Variants in CSMD1 observed in about 807,000 individuals in gnomAD.
CSMD1 encodes CUB and Sushi multiple domains 1.
Under a neutral mutation model 417.5 loss-of-function variants are expected in CSMD1, and 213 were observed. The observed-to-expected ratio is 0.51, with a 90% CI of 0.46 to 0.57. CSMD1 has a LOEUF of 0.57. Ranked by LOEUF, CSMD1 falls within the 20% of genes least tolerant of loss-of-function variation. CSMD1 has a pLI of 0.00. For missense variants in CSMD1, 6,923 were observed against 4,529.7 expected (o/e 1.53, Z -15.17); for synonymous variants, 2,862 against 1,736.8 (o/e 1.65, Z -16.11).
chr8:3,346,453 A>T (rs965793077), intron 22 of CSMD1, among the ~76,000 whole-genome samples: 2 of 152,228 alleles, frequency 1.3e-5, no homozygotes, highest in Admixed American at 1.3e-4. Context: ...TAGATTAGTA[A>T]GAATGTGCTA....
intron 25 of CSMD1, among the ~76,000 whole-genome samples, chr8:3,287,087 TC>T (rs1803217493): frequency 1.3e-5 from 2 of 152,196 alleles, no homozygotes; most frequent in South Asian, 4.1e-4. Context: ...GGGAATGCTT[TC>T]CCCATTGCTT....
chr8:4,624,059 T>C (rs969910311), intron 2 of CSMD1, among the ~76,000 whole-genome samples: 1 of 152,134 alleles, frequency 6.6e-6, no homozygotes, highest in African/African-American at 2.4e-5. Context: ...AAAATGACTA[T>C]CTCTAGCTCT....
At chr8:4,925,371 T>C (rs1306761294) in intron 1 of CSMD1, among the ~76,000 whole-genome samples, 1 of 151,846 alleles carries the variant, frequency 6.6e-6, no homozygotes, top group Non-Finnish European at 1.5e-5. Context: ...ACCTGACATT[T>C]CTTTAGCAGT....
At chr8:3,778,018 CTCTGGCTG>C (rs1252502199) in intron 5 of CSMD1, among the ~76,000 whole-genome samples, 2 of 152,254 alleles carry the variant, frequency 1.3e-5, no homozygotes, top group Admixed American at 6.5e-5. Context: ...GCCTAAGAAA[CTCTGGCTG>C]TCTGGCTGTC....
At chr8:4,727,352 T>C (rs1359041376) in intron 1 of CSMD1, among the ~76,000 whole-genome samples, 1 of 152,174 alleles carries the variant, frequency 6.6e-6, no homozygotes, top group Non-Finnish European at 1.5e-5. Flanking sequence ...TGAAATAAAA[T>C]GTTCACAAAA....
chr8:3,398,496 T>C (rs1336394814), intron 16 of CSMD1, among the ~76,000 whole-genome samples: 4 of 152,142 alleles, frequency 2.6e-5, no homozygotes, highest in African/African-American at 9.7e-5. Context: ...ACCTTTCCTG[T>C]GTTGATGTTA....
chr8:4,312,720 A>G (rs967176021), intron 3 of CSMD1, among the ~76,000 whole-genome samples: 3 of 151,988 alleles, frequency 2.0e-5, no homozygotes, highest in East Asian at 1.9e-4. Context: ...CTACTAACGA[A>G]AAAATGAGCC....
Position 3,709,654 on chromosome 8 carries a change from T to C in CSMD1, c.932-1163A>G, listed in dbSNP as rs534568341. ...AGTAGAGGCAAGACTTCCTCCTGCC[T>C]GATGGGCTTTAAATTGCAGCAGCAT... On this transcript the variant is annotated intron_variant, in intron 6 of 69. Transcript: ENST00000635120. Among the ~76,000 whole-genome samples, 250 of 144,778 alleles carry C rather than the reference T, an allele frequency of 1.7e-3. 1 individual carries two copies. Among genetic ancestry groups the C allele is most frequent in the Non-Finnish European group, 3.0e-3 (199 of 66,770 alleles). 95.0% of individuals were successfully genotyped at this position (144,778 alleles called of 152,430 possible).
chr8:3,944,882 G>A (rs756754511), intron 5 of CSMD1, among the ~76,000 whole-genome samples: 2 of 152,140 alleles, frequency 1.3e-5, no homozygotes, highest in African/African-American at 4.8e-5. Context: ...TCTGGGTTGT[G>A]TTTTCTAATT....
At chr8:4,698,838 C>A (rs1174044624) in intron 1 of CSMD1, among the ~76,000 whole-genome samples, 1 of 151,480 alleles carries the variant, frequency 6.6e-6, no homozygotes, top group East Asian at 2.0e-4. Context: ...CAGGAAAATC[C>A]TAACCAATAG....
At chr8:3,413,210 T>G (rs1257777248) in intron 12 of CSMD1, among the ~76,000 whole-genome samples, 1 of 152,256 alleles carries the variant, frequency 6.6e-6, no homozygotes, top group African/African-American at 2.4e-5. Flanking sequence ...TCTGCCTCTG[T>G]GATACTAAAG....
chr8:3,385,170 T>G (rs1164361206), intron 18 of CSMD1, among the ~76,000 whole-genome samples: 7 of 137,228 alleles, frequency 5.1e-5, no homozygotes, highest in Admixed American at 4.0e-4. Context: ...ACATAATATA[T>G]AAATATATAG....
In CSMD1 at chr8:4,362,533, G is replaced by A. The variant is rs755205294; in HGVS notation, c.415+57420C>T. On this transcript the variant is annotated intron_variant, in intron 3 of 69. Transcript: ENST00000635120. ...TTAATTTGTGCAATAGATAGAACAG[G>A]ATCTTTAATTTATTGTGGGAAGTGG... Among the ~76,000 whole-genome samples, 3 of 152,168 alleles carry A rather than the reference G, an allele frequency of 2.0e-5. No individual in the cohort carries two copies. In the East Asian group the frequency reaches 5.8e-4, roughly 29 times the overall value.
intron 3 of CSMD1, among the ~76,000 whole-genome samples, chr8:4,180,982 A>G (rs369887586): frequency 3.3e-5 from 5 of 152,122 alleles, no homozygotes; most frequent in African/African-American, 1.2e-4. Flanking sequence ...ATGGCTTACC[A>G]TTTCCGTACC....
At chr8:3,499,072 CT>C (rs1272392333) in intron 10 of CSMD1, among the ~76,000 whole-genome samples, 7 of 152,074 alleles carry the variant, frequency 4.6e-5, no homozygotes, top group African/African-American at 1.7e-4. Context: ...TTAGACATTT[CT>C]TGTGTTCCTA....
chr8:3,582,542 G>A (rs1035816390), intron 9 of CSMD1, among the ~76,000 whole-genome samples: 4 of 152,086 alleles, frequency 2.6e-5, no homozygotes, highest in Non-Finnish European at 5.9e-5. Context: ...TCATAGTGAG[G>A]AAGAAAATCA....
At chr8:4,101,981 T>G (rs1444702147) in intron 3 of CSMD1, among the ~76,000 whole-genome samples, 1 of 152,206 alleles carries the variant, frequency 6.6e-6, no homozygotes, top group African/African-American at 2.4e-5. Flanking sequence ...TCCCATGGTG[T>G]TGGGGACTGG....
chr8:4,005,769 A>G (rs922511254), intron 4 of CSMD1, among the ~76,000 whole-genome samples: 3 of 152,222 alleles, frequency 2.0e-5, no homozygotes, highest in Non-Finnish European at 1.5e-5. Context: ...AGCAAACATT[A>G]ACATCAGAAT....
chr8:3,879,019 A>G (rs1364852649), intron 5 of CSMD1, among the ~76,000 whole-genome samples: 1 of 152,174 alleles, frequency 6.6e-6, no homozygotes, highest in Non-Finnish European at 1.5e-5. Context: ...ATAATTTAGT[A>G]TATTTTACCT....
Sources: gnomAD v4.1 joint callset for allele counts (sites outside exome capture counted in the v4.1 genomes callset) on GRCh38, gnomAD v4.1.1 for gene constraint, MANE v1.5 for transcripts, NCBI Gene and HGNC (gene_info 2026-07-23, HGNC 2026-07-21) for gene names.